Variants in ARIH1 observed in about 807,000 individuals in gnomAD.
The protein encoded by ARIH1 is E3 ubiquitin-protein ligase ARIH1.
Under a neutral mutation model 85.0 loss-of-function variants are expected in ARIH1, and 8 were observed. The ratio of observed to expected loss-of-function variants is 0.09; its 90% CI spans 0.06 to 0.17. The LOEUF is 0.17. Ranked by LOEUF, ARIH1 falls within the 10% of genes least tolerant of loss-of-function variation. The pLI, the probability that ARIH1 is intolerant of heterozygous loss-of-function variation, is 1.00. For missense variants in ARIH1, 311 were observed against 718.1 expected, an observed-to-expected ratio of 0.43 and a Z score of 6.48; for synonymous variants, 238 against 253.6, an observed-to-expected ratio of 0.94 and a Z score of 0.59.
At chr15:72,488,158 C>T (rs186132244) in intron 1 of ARIH1, among the ~76,000 whole-genome samples, 66 of 152,330 alleles carry the variant, frequency 4.3e-4, no homozygotes, top group Non-Finnish European at 1.9e-4. Context: ...ACCTCAGCCT[C>T]CTGAGTAGCT....
Position 72,598,881 on chromosome 15 carries a change from C to CTTTTTTTTTTTTT in ARIH1, c.*15601_*15602insTTTTTTTTTTTTT, listed in dbSNP as rs35497246. On this transcript the variant is annotated 3_prime_UTR_variant, in exon 14 of 14. Coordinates refer to ENST00000379887, the MANE Select transcript of ARIH1 (RefSeq NM_005744.5). Reference sequence around the variant, plus strand: ...CACAGTCATGTGCCACCATGCCTGGCTTTTTTTTTTTTGTAGAGTTTGGGT... The same window carrying CTTTTTTTTTTTTT: ...CACAGTCATGTGCCACCATGCCTGGCTTTTTTTTTTTTTTTTTTTTTTTTTGTAGAGTTTGGGT... The CTTTTTTTTTTTTT allele has an allele frequency of 7.1e-6, 1 of 141,204 alleles. No individual in the cohort carries two copies. The allele number at this position is 141,204 out of a possible 1,614,324, so 8.7% of individuals were successfully genotyped here.
rs1311959732 is a variant in ARIH1, at chr15:72,587,257, T to C, written c.*3965T>C. On this transcript the variant is annotated 3_prime_UTR_variant, in exon 14 of 14. Coordinates refer to ENST00000379887, the MANE Select transcript of ARIH1 (RefSeq NM_005744.5). ...TACCTCTTTGTATCATATTTTGTTA[T>C]TCTGGTCACAGAATGACCTAGTATT... 3.8e-6 allele frequency: 2 copies of C among 529,066 alleles called. No individual in the cohort carries two copies. Among genetic ancestry groups the C allele is most frequent in the Non-Finnish European group, 7.8e-6 (2 of 257,446 alleles). The allele number at this position is 529,066 out of a possible 1,614,324, so 32.8% of individuals were successfully genotyped here. A position where few individuals can be genotyped will look rare whatever the true frequency, so the allele number is the denominator to read the frequency against.
chr15:72,566,369 C>T, intron 7 of ARIH1, 194 bp from the exon 8 acceptor site: 1 of 560,310 alleles, frequency 1.8e-6, no homozygotes, highest in Non-Finnish European at 3.2e-6. Context: ...TATTGAGTAC[C>T]CACTATGTGC....
At chr15:72,533,367 G>C (rs2064066745) in intron 2 of ARIH1, among the ~76,000 whole-genome samples, 1 of 152,096 alleles carries the variant, frequency 6.6e-6, no homozygotes, top group African/African-American at 2.4e-5. Context: ...TGAGCTCAAG[G>C]AATCCACCTG....
intron 2 of ARIH1, among the ~76,000 whole-genome samples, chr15:72,538,929 G>C (rs1056886322): frequency 6.6e-6 from 1 of 152,162 alleles, no homozygotes. Context: ...CATAGGAATG[G>C]GTGTTAACCT....
chr15:72,579,682 T>C (rs1567361528), intron 11 of ARIH1, among the ~76,000 whole-genome samples: 1 of 151,158 alleles, frequency 6.6e-6, no homozygotes, highest in Non-Finnish European at 1.5e-5. Flanking sequence ...GTGGCTACTG[T>C]ATTGGAAAGT....
intron 1 of ARIH1, chr15:72,496,698 C>T: frequency 1.8e-6 from 1 of 565,148 alleles, no homozygotes; most frequent in Non-Finnish European, 2.2e-6. Flanking sequence ...TTTCCCCACC[C>T]CTTTATATAT....
Position 72,586,702 on chromosome 15 carries a change from G to C in ARIH1, c.*3410G>C, listed in dbSNP as rs2064318461. ...TTTCTTTGCAGGGAACTGTGAATGA[G>C]CCCATTCCCCCAACATTTAACTTGG... On this transcript the variant is annotated 3_prime_UTR_variant, in exon 14 of 14. Coordinates refer to ENST00000379887, the MANE Select transcript of ARIH1 (RefSeq NM_005744.5). 6.5e-6 allele frequency: 1 copy of C among 153,250 alleles called. No individual in the cohort carries two copies. 9.5% of individuals were successfully genotyped at this position (153,250 alleles called of 1,614,324 possible). A position where few individuals can be genotyped will look rare whatever the true frequency, so the allele number is the denominator to read the frequency against.
At chr15:72,527,522 G>T (rs577118725) in intron 2 of ARIH1, among the ~76,000 whole-genome samples, 2 of 150,936 alleles carry the variant, frequency 1.3e-5, no homozygotes, top group South Asian at 2.1e-4. Context: ...TTTTATCTCC[G>T]TATCCTTATG....
intron 1 of ARIH1, among the ~76,000 whole-genome samples, chr15:72,500,603 A>G (rs979923160): frequency 1.3e-5 from 2 of 152,182 alleles, no homozygotes; most frequent in Non-Finnish European, 2.9e-5. Flanking sequence ...TGAATGTGAA[A>G]AACAATGGAT....
At chr15:72,507,470 C>T (rs1346235890) in intron 1 of ARIH1, among the ~76,000 whole-genome samples, 2 of 151,930 alleles carry the variant, frequency 1.3e-5, no homozygotes, top group Non-Finnish European at 2.9e-5. Flanking sequence ...CCCAGGTGTC[C>T]CCCTCAGTCC....
chr15:72,513,615 AT>A (rs2063959281), intron 1 of ARIH1, among the ~76,000 whole-genome samples: 1 of 150,454 alleles, frequency 6.6e-6, no homozygotes, highest in Non-Finnish European at 1.5e-5. Flanking sequence ...CCCCCATATC[AT>A]TTCCCTTCCA....
At chr15:72,486,031 C>T (rs1418498558) in intron 1 of ARIH1, among the ~76,000 whole-genome samples, 3 of 152,038 alleles carry the variant, frequency 2.0e-5, no homozygotes, top group Non-Finnish European at 2.9e-5. Context: ...TTTTAAAAAG[C>T]TGTCAAGCCA....
chr15:72,575,187 T>C (rs2064265036), intron 11 of ARIH1, among the ~76,000 whole-genome samples: 1 of 152,200 alleles, frequency 6.6e-6, no homozygotes. Context: ...TGTATACCCC[T>C]GTTCTAAGCA....
In ARIH1 at chr15:72,580,767, T is replaced by C; in HGVS notation, c.1252T>C (p.Cys418Arg). Residue 418 changes from cysteine (C) to arginine (R), a missense_variant, in exon 12 of 14, where the codon TGT (cysteine) becomes CGT (arginine). Physicochemically the swap from Cys to Arg is radical, Grantham distance 180 (BLOSUM62 -3). This residue lies in a region of ARIH1 where 50 missense variants were observed against 311.7 expected (regional missense o/e 0.16). Transcript: ENST00000379887. ...RAALQRYLFY[C>R]NRYMNHMQSL... ...AGCCCTGCAGAGGTACCTGTTCTAC[T>C]GTAATCGCTATATGAACCACATGCA... 1 of 1,614,136 alleles carries C rather than the reference T, an allele frequency of 6.2e-7. No homozygotes were observed. The highest frequency in any genetic ancestry group is 8.5e-7 in the Non-Finnish European group (1 of 1,179,982).
intron 1 of ARIH1, among the ~76,000 whole-genome samples, chr15:72,482,415 CCT>C (rs1298304345): frequency 1.3e-5 from 2 of 151,968 alleles, no homozygotes; most frequent in Non-Finnish European, 2.9e-5. Context: ...ATGGAAGAGA[CCT>C]CTGTAGGTGT....
At chr15:72,510,300 G>C (rs190149538) in intron 1 of ARIH1, among the ~76,000 whole-genome samples, 4 of 152,024 alleles carry the variant, frequency 2.6e-5, no homozygotes, top group Non-Finnish European at 5.9e-5. Context: ...ATGGATTTCA[G>C]TGTATCCGTT....
At chr15:72,482,523 G>T (rs2063820333) in intron 1 of ARIH1, among the ~76,000 whole-genome samples, 1 of 152,154 alleles carries the variant, frequency 6.6e-6, no homozygotes, top group Non-Finnish European at 1.5e-5. Context: ...GGGTAATGGT[G>T]AAATCAGCTA....
chr15:72,514,912 A>G (rs2063968021), intron 1 of ARIH1, among the ~76,000 whole-genome samples: 2 of 152,148 alleles, frequency 1.3e-5, no homozygotes, highest in Admixed American at 6.5e-5. Context: ...GCTTGAATCC[A>G]GGAGGCAGAG....
Sources: gnomAD v4.1 joint callset for allele counts (sites outside exome capture counted in the v4.1 genomes callset) on GRCh38, gnomAD v4.1.1 for gene constraint, gnomAD v4.1.1 regional missense constraint, MANE v1.5 for transcripts, NCBI Gene and HGNC (gene_info 2026-07-23, HGNC 2026-07-21) for gene names.